The following ZBTB8A variants were observed in gnomAD, a reference collection of about 807,000 sequenced individuals.
ZBTB8A encodes zinc finger and BTB domain-containing protein 8A.
In ZBTB8A, 19 loss-of-function variants were observed where a neutral mutation model predicts 37.8. The observed-to-expected ratio is 0.50, with a 90% CI of 0.35 to 0.74. The LOEUF (loss-of-function observed/expected upper bound fraction) is 0.74. Among genes scored for constraint, ZBTB8A ranks in the 30% least tolerant of loss-of-function variants. The pLI, the probability that ZBTB8A is intolerant of heterozygous loss-of-function variation, is 0.01. For missense variants in ZBTB8A, 394 were observed against 537.8 expected (o/e 0.73, Z 2.65); for synonymous variants, 181 against 185.2 (o/e 0.98, Z 0.19).
At chr1:32,555,410 A>G (rs1421096374) in intron 2 of ZBTB8A, among the ~76,000 whole-genome samples, 4 of 151,930 alleles carry the variant, frequency 2.6e-5, no homozygotes, top group African/African-American at 9.7e-5. Context: ...TAATAATACC[A>G]TCTCCCCAAT....
intron 3 of ZBTB8A, 136 bp downstream of exon 3, chr1:32,593,890 T>C (rs1228484320): frequency 2.8e-6 from 2 of 712,932 alleles, no homozygotes; most frequent in Non-Finnish European, 4.5e-6. Context: ...TCTATTTTTG[T>C]AATGAAATTT....
intron 4 of ZBTB8A, 43 bp downstream of exon 4, chr1:32,595,266 G>T (rs767978757): frequency 5.0e-6 from 8 of 1,591,434 alleles, no homozygotes; most frequent in Non-Finnish European, 6.0e-6. Context: ...TTCTTTTTTG[G>T]TTTTTGTTTT....
chr1:32,600,294 T>C lies in ZBTB8A; in HGVS notation c.1201T>C (p.Leu401=), dbSNP rs746111430. The C allele has an allele frequency of 6.2e-7, 1 of 1,614,154 alleles. No homozygotes were observed. The part of the protein sequence containing the change: ...SDGDKDSRWH[L]SEDENRSYVE... ...TGGAGATAAGGATTCCAGATGGCAC[T>C]TGAGTGAAGATGAGAATAGATCCTA... Residue 401 remains leucine, a synonymous_variant, in exon 5 of 5, where the codon TTG becomes CTG. Transcript: ENST00000373510.
chr1:32,576,864 CTCTT>C (rs1345196401), intron 2 of ZBTB8A, among the ~76,000 whole-genome samples: 2 of 150,436 alleles, frequency 1.3e-5, no homozygotes, highest in Non-Finnish European at 3.0e-5. Flanking sequence ...CATGCACAGA[CTCTT>C]TTTTTTTTTT....
rs1644608640 is a variant in ZBTB8A, at chr1:32,605,247, A to C, written c.*4828A>C. On this transcript the variant is annotated 3_prime_UTR_variant, in exon 5 of 5. Transcript: ENST00000373510. ...GACCAAACTTTAGATTATAAACCAG[A>C]AAGTTTTGTTATTTTATATAAGTGT... 1 of 152,048 alleles carries C rather than the reference A, an allele frequency of 6.6e-6. No homozygotes were observed. The highest frequency in any genetic ancestry group is 2.4e-5 in the African/African-American group (1 of 41,416). 9.4% of individuals were successfully genotyped at this position (152,048 alleles called of 1,614,324 possible). A position where few individuals can be genotyped will look rare whatever the true frequency, so the allele number is the denominator to read the frequency against.
chr1:32,548,068 G>C (rs1644120792), intron 1 of ZBTB8A, among the ~76,000 whole-genome samples: 1 of 147,892 alleles, frequency 6.8e-6, no homozygotes, highest in African/African-American at 2.5e-5. Flanking sequence ...GGGAGGTAGA[G>C]GTTGCAGTGA....
intron 2 of ZBTB8A, among the ~76,000 whole-genome samples, chr1:32,579,572 A>G (rs953386977): frequency 2.0e-5 from 3 of 152,146 alleles, no homozygotes; most frequent in African/African-American, 7.2e-5. Context: ...ATCTCTTTGC[A>G]TAGTTGCTTC....
rs1461552906 is a variant in ZBTB8A, at chr1:32,548,282, G to T, written c.-83-5177G>T. 2.0e-5 allele frequency among the ~76,000 whole-genome samples: 3 copies of T among 151,496 alleles called. No individual in the cohort carries two copies. The South Asian group carries it at 6.2e-4, about 31-fold the overall frequency. Reference sequence around the variant, plus strand: ...TCACTCTCTCTAGGTACATGAATATGATGAAACCAGTCAAAAAACATTTTT... The same window carrying T: ...TCACTCTCTCTAGGTACATGAATATTATGAAACCAGTCAAAAAACATTTTT... On this transcript the variant is annotated intron_variant, in intron 1 of 4. Coordinates refer to ENST00000373510, the MANE Select transcript of ZBTB8A (RefSeq NM_001040441.3).
chr1:32,551,625 C>T (rs1644156745), intron 1 of ZBTB8A, among the ~76,000 whole-genome samples: 1 of 152,116 alleles, frequency 6.6e-6, no homozygotes, highest in African/African-American at 2.4e-5. Context: ...GGCAGGATCA[C>T]TTGAACCCGG....
chr1:32,545,988 T>G (rs1186703105), intron 1 of ZBTB8A, among the ~76,000 whole-genome samples: 2 of 152,210 alleles, frequency 1.3e-5, no homozygotes, highest in African/African-American at 4.8e-5. Context: ...TCTCTCCTAC[T>G]AGACAGTGAG....
At chr1:32,544,803 T>C (rs1478154093) in intron 1 of ZBTB8A, among the ~76,000 whole-genome samples, 1 of 152,200 alleles carries the variant, frequency 6.6e-6, no homozygotes, top group Non-Finnish European at 1.5e-5. Flanking sequence ...TTGACCAAAA[T>C]GTTATGCGGC....
At chr1:32,550,308 C>T (rs1051850990) in intron 1 of ZBTB8A, among the ~76,000 whole-genome samples, 3 of 152,016 alleles carry the variant, frequency 2.0e-5, no homozygotes, top group Non-Finnish European at 2.9e-5. Context: ...AGGGCACAGA[C>T]CATGCTCAGA....
At chr1:32,548,915 A>G (rs1644128364) in intron 1 of ZBTB8A, among the ~76,000 whole-genome samples, 1 of 152,156 alleles carries the variant, frequency 6.6e-6, no homozygotes, top group South Asian at 2.1e-4. Context: ...GGCCGGGGCC[A>G]GGCACCGTGG....
Position 32,593,514 on chromosome 1 carries a change from C to G in ZBTB8A, c.583C>G (p.Gln195Glu). The change falls in exon 3 of 5, where the codon CAA (glutamine) becomes GAA (glutamate). Residue 195 changes from glutamine to glutamate, a missense_variant. Gln to Glu is a conservative substitution (Grantham distance 29). Coordinates refer to ENST00000373510, the MANE Select transcript of ZBTB8A (RefSeq NM_001040441.3). ...TCCAGCCTCCCAGAAGAATACTCAA[C>G]AACCCTTGGCCAAGCATGAACCAAG... The part of the protein sequence containing the change: ...YHPASQKNTQ[Q>E]PLAKHEPRKE... 1 of 1,614,130 alleles carries G rather than the reference C, an allele frequency of 6.2e-7. No individual in the cohort carries two copies. The highest frequency in any genetic ancestry group is 8.5e-7 in the Non-Finnish European group (1 of 1,180,034).
At chr1:32,558,938 C>T (rs1037025024) in intron 2 of ZBTB8A, among the ~76,000 whole-genome samples, 1 of 152,144 alleles carries the variant, frequency 6.6e-6, no homozygotes, top group African/African-American at 2.4e-5. Context: ...TCTACAATTC[C>T]TTGAAGTAGG....
chr1:32,557,169 G>T (rs557206487), intron 2 of ZBTB8A, among the ~76,000 whole-genome samples: 2 of 151,884 alleles, frequency 1.3e-5, no homozygotes, highest in Non-Finnish European at 1.5e-5. Context: ...GGGCGTGATG[G>T]TGTGCGCCTG....
At chr1:32,569,542 C>T (rs1375872408) in intron 2 of ZBTB8A, among the ~76,000 whole-genome samples, 2 of 151,412 alleles carry the variant, frequency 1.3e-5, no homozygotes, top group Non-Finnish European at 2.9e-5. Context: ...TACAGGCGCC[C>T]GTCACCATGC....
chr1:32,599,318 G>A (rs548174156), intron 4 of ZBTB8A, among the ~76,000 whole-genome samples: 6 of 151,368 alleles, frequency 4.0e-5, no homozygotes, highest in African/African-American at 7.3e-5. Context: ...CCAGCTCCTC[G>A]GTAGGTTGGG....
chr1:32,573,865 G>A (rs889891769), intron 2 of ZBTB8A, among the ~76,000 whole-genome samples: 2 of 150,388 alleles, frequency 1.3e-5, no homozygotes, highest in South Asian at 2.1e-4. Context: ...ACCTGAGGTC[G>A]GGAGTTCGAG....
Sources: gnomAD v4.1 joint callset for allele counts (sites outside exome capture counted in the v4.1 genomes callset) on GRCh38, gnomAD v4.1.1 for gene constraint, MANE v1.5 for transcripts, NCBI Gene and HGNC (gene_info 2026-07-23, HGNC 2026-07-21) for gene names.